SCFD2: variants seen among roughly 807,000 people sequenced by gnomAD.
SCFD2 encodes the protein sec1 family domain containing 2, also known as sec1 family domain-containing protein 2.
SCFD2 carries 54 observed loss-of-function variants against 58.9 expected under a neutral mutation model. That is an observed-to-expected ratio of 0.92 (90% CI 0.74 to 1.15). The LOEUF (loss-of-function observed/expected upper bound fraction) is 1.15, where lower values mean the gene tolerates loss of function less well. Among genes scored for constraint, SCFD2 ranks in the 50% most tolerant of loss-of-function variants. SCFD2 has a pLI of 0.00. For missense variants in SCFD2, 805 were observed against 836.6 expected (o/e 0.96, Z 0.47); for synonymous variants, 321 against 335.9 (o/e 0.96, Z 0.49).
At chr4:53,134,858 A>G (rs571452977) in intron 5 of SCFD2, among the ~76,000 whole-genome samples, 14 of 152,348 alleles carry the variant, frequency 9.2e-5, no homozygotes, top group African/African-American at 2.9e-4. Flanking sequence ...CTCATGGAGT[A>G]AATCAGACGT....
intron 4 of SCFD2, among the ~76,000 whole-genome samples, chr4:53,249,952 G>C (rs937926555): frequency 2.0e-5 from 3 of 152,136 alleles, no homozygotes; most frequent in Admixed American, 6.5e-5. Flanking sequence ...ACATAACAAT[G>C]TCAACTTTAA....
At chr4:53,170,239 TCTTTTGC>T (rs1470768355) in intron 4 of SCFD2, among the ~76,000 whole-genome samples, 1 of 152,198 alleles carries the variant, frequency 6.6e-6, no homozygotes, top group African/African-American at 2.4e-5. Context: ...TCAGTTTCAT[TCTTTTGC>T]ATGAGATACA....
At position 52,904,674 on chromosome 4, in the gene SCFD2, C is replaced by T. The variant is rs76617371; in HGVS notation, c.1842+2783G>A. 5.7e-3 allele frequency among the ~76,000 whole-genome samples: 867 copies of T among 152,246 alleles called. 15 individuals are homozygous for T. The highest frequency in any genetic ancestry group is 0.02 in the African/African-American group (821 of 41,524). On this transcript the variant is annotated intron_variant, in intron 7 of 8. Coordinates refer to ENST00000401642, the MANE Select transcript of SCFD2 (RefSeq NM_152540.4). Reference sequence around the variant, plus strand: ...ATACTGGAAAGGCAGAGCATTTGTGCTAATGAGTAACCATGAAGGAAACCA... The same window carrying T: ...ATACTGGAAAGGCAGAGCATTTGTGTTAATGAGTAACCATGAAGGAAACCA...
rs1188229782 is a variant in SCFD2 at position 53,256,656 on chromosome 4, C to G, written c.1311+17170G>C. ...TCGGGAGGCCGAGGCTGGCGGATCACTCGCGATTAGGAGCTGGAGACCAGC... is the reference window on the plus strand; with the variant it reads ...TCGGGAGGCCGAGGCTGGCGGATCAGTCGCGATTAGGAGCTGGAGACCAGC... On this transcript the variant is annotated intron_variant, in intron 4 of 8. Coordinates refer to ENST00000401642, the MANE Select transcript of SCFD2 (RefSeq NM_152540.4). Among the ~76,000 whole-genome samples, 4 of 152,116 alleles carry G rather than the reference C, an allele frequency of 2.6e-5. No homozygotes were observed. In the East Asian group the frequency reaches 7.7e-4, roughly 29 times the overall value.
chr4:53,132,132 A>C (rs1725801634), intron 5 of SCFD2, among the ~76,000 whole-genome samples: 1 of 152,264 alleles, frequency 6.6e-6, no homozygotes, highest in South Asian at 2.1e-4. Flanking sequence ...TTAGCAAATT[A>C]CTTAACTAGT....
At chr4:53,195,093 T>A (rs1728022139) in intron 4 of SCFD2, among the ~76,000 whole-genome samples, 1 of 152,176 alleles carries the variant, frequency 6.6e-6, no homozygotes, top group South Asian at 2.1e-4. Context: ...AATGGCTGGT[T>A]ACAAGGACCG....
At chr4:52,971,074 G>T (rs565814490) in intron 5 of SCFD2, among the ~76,000 whole-genome samples, 1 of 152,166 alleles carries the variant, frequency 6.6e-6, no homozygotes, top group Non-Finnish European at 1.5e-5. Flanking sequence ...GGAAAAACTA[G>T]AGCAGAAAAA....
chr4:53,211,670 T>A (rs1728617321), intron 4 of SCFD2, among the ~76,000 whole-genome samples: 1 of 152,102 alleles, frequency 6.6e-6, no homozygotes, highest in Non-Finnish European at 1.5e-5. Context: ...TGTCCGCTGC[T>A]TTGTGTGTGG....
intron 5 of SCFD2, among the ~76,000 whole-genome samples, chr4:53,118,643 C>T (rs1488968850): frequency 2.0e-5 from 3 of 151,964 alleles, no homozygotes; most frequent in East Asian, 1.9e-4. Context: ...AGCAGTGATC[C>T]CACCCACCAC....
At chr4:53,340,853 C>T (rs952597116) in intron 2 of SCFD2, among the ~76,000 whole-genome samples, 1 of 152,222 alleles carries the variant, frequency 6.6e-6, no homozygotes, top group African/African-American at 2.4e-5. Context: ...CAAACAGGGT[C>T]TGGAGTGGAC....
chr4:52,953,695 C>A (rs1720651315), intron 5 of SCFD2, among the ~76,000 whole-genome samples: 2 of 152,144 alleles, frequency 1.3e-5, no homozygotes, highest in Admixed American at 1.3e-4. Context: ...GTGGTAAAAT[C>A]CCAGGAGAAT....
At chr4:52,913,223 G>A (rs1183064836) in intron 6 of SCFD2, among the ~76,000 whole-genome samples, 3 of 152,084 alleles carry the variant, frequency 2.0e-5, no homozygotes, top group East Asian at 3.9e-4. Flanking sequence ...GCCATGGACC[G>A]CTACTGGTTC....
At chr4:53,017,917 T>C (rs1050835071) in intron 5 of SCFD2, among the ~76,000 whole-genome samples, 2 of 152,232 alleles carry the variant, frequency 1.3e-5, no homozygotes, top group Admixed American at 1.3e-4. Flanking sequence ...CAGTTCTCTG[T>C]AGGTCTATAC....
intron 7 of SCFD2, among the ~76,000 whole-genome samples, chr4:52,886,412 TC>T (rs572103271): frequency 3.3e-5 from 5 of 152,242 alleles, no homozygotes; most frequent in Non-Finnish European, 7.3e-5. Context: ...TTTTCAATTG[TC>T]AGTGTGACCT....
At chr4:53,230,314 C>T (rs1203739966) in intron 4 of SCFD2, among the ~76,000 whole-genome samples, 2 of 152,144 alleles carry the variant, frequency 1.3e-5, no homozygotes, top group Non-Finnish European at 2.9e-5. Context: ...TACAAAGACA[C>T]ATGCACATGT....
intron 5 of SCFD2, among the ~76,000 whole-genome samples, chr4:52,973,354 A>G (rs1284519518): frequency 3.3e-5 from 5 of 152,270 alleles, no homozygotes; most frequent in African/African-American, 1.2e-4. Context: ...CCGATCCCAT[A>G]GAAATACAAA....
At chr4:53,209,987 G>C (rs1213624609) in intron 4 of SCFD2, among the ~76,000 whole-genome samples, 1 of 152,066 alleles carries the variant, frequency 6.6e-6, no homozygotes, top group Non-Finnish European at 1.5e-5. Flanking sequence ...CTCTTTTGAA[G>C]TGCTTTTTCA....
At chr4:53,295,532 T>C (rs879678750) in intron 3 of SCFD2, among the ~76,000 whole-genome samples, 39 of 152,188 alleles carry the variant, frequency 2.6e-4, no homozygotes, top group Admixed American at 2.1e-3. Context: ...TTAAGAAGAT[T>C]TTGGGCTGAG....
At chr4:53,036,839 T>C (rs1722774327) in intron 5 of SCFD2, among the ~76,000 whole-genome samples, 1 of 152,162 alleles carries the variant, frequency 6.6e-6, no homozygotes, top group Admixed American at 6.5e-5. Context: ...ACTTAAATTA[T>C]AATAATAATT....
Sources: gnomAD v4.1 joint callset for allele counts (sites outside exome capture counted in the v4.1 genomes callset) on GRCh38, gnomAD v4.1.1 for gene constraint, MANE v1.5 for transcripts, NCBI Gene and HGNC (gene_info 2026-07-23, HGNC 2026-07-21) for gene names.